Variants in GLIS3 observed in about 807,000 individuals in gnomAD.
GLIS3 encodes the protein zinc finger protein GLIS3.
A neutral mutation model predicts 78.6 loss-of-function variants in GLIS3; 53 were observed. That is an observed-to-expected ratio of 0.67 (90% confidence interval 0.54 to 0.85). The LOEUF is 0.85. Among genes scored for constraint, GLIS3 ranks in the 40% least tolerant of loss-of-function variants. GLIS3 has a pLI of 0.00. For synonymous variants in GLIS3, 684 were observed against 509.9 expected (o/e 1.34, Z -4.60); for missense variants, 1,703 against 1,231.1 (o/e 1.38, Z -5.74).
At chr9:4,021,114 C>T (rs1822848974) in intron 4 of GLIS3, among the ~76,000 whole-genome samples, 1 of 152,158 alleles carries the variant, frequency 6.6e-6, no homozygotes, top group Non-Finnish European at 1.5e-5. Context: ...CATTTTACTA[C>T]ATCATACAAA....
chr9:4,166,216 A>T (rs1835880751), intron 2 of GLIS3, among the ~76,000 whole-genome samples: 1 of 152,198 alleles, frequency 6.6e-6, no homozygotes, highest in South Asian at 2.1e-4. Flanking sequence ...TGTTAGCTAT[A>T]ATCAATACGT....
At chr9:4,010,644 A>G (rs1264322148) in intron 4 of GLIS3, among the ~76,000 whole-genome samples, 2 of 152,240 alleles carry the variant, frequency 1.3e-5, no homozygotes, top group East Asian at 3.8e-4. Flanking sequence ...CTTTGGTGTC[A>G]TAAGTGGCTG....
At chr9:4,137,524 G>A (rs970605421) in intron 2 of GLIS3, among the ~76,000 whole-genome samples, 8 of 152,146 alleles carry the variant, frequency 5.3e-5, no homozygotes, top group Non-Finnish European at 1.2e-4. Context: ...GTACCACTCA[G>A]TGCCCTGGAT....
At chr9:4,407,241 C>A in the GLIS3 span, among the ~76,000 whole-genome samples, 1 of 152,166 alleles carries the variant, frequency 6.6e-6, no homozygotes, top group East Asian at 1.9e-4. Flanking sequence ...GATATCCTTA[C>A]GCAGAAGAAT....
intron 6 of GLIS3, among the ~76,000 whole-genome samples, chr9:3,919,393 T>A (rs771410120): frequency 6.6e-6 from 1 of 152,190 alleles, no homozygotes; most frequent in Non-Finnish European, 1.5e-5. Flanking sequence ...TAAAATGAAA[T>A]GTGTTCTCAT....
At chr9:4,018,473 T>G (rs1461616197) in intron 4 of GLIS3, among the ~76,000 whole-genome samples, 3 of 152,178 alleles carry the variant, frequency 2.0e-5, no homozygotes, top group Non-Finnish European at 4.4e-5. Context: ...ACTTTTCAAG[T>G]CATTGTTTAT....
rs140333436 is a variant in GLIS3 at position 3,977,231 on chromosome 9, C to A, written c.1711-40042G>T. On this transcript the variant is annotated intron_variant, in intron 4 of 10. Transcript: ENST00000381971. The surrounding 1 kb of genome is among the most constrained non-coding windows in gnomAD (Gnocchi z 4.1). ...ATGACAAAAGACCTTGCTAGGCCAC[C>A]CCTCCTCCACCCAGATATTAGATCC... 2.8e-3 allele frequency among the ~76,000 whole-genome samples: 419 copies of A among 152,228 alleles called. 2 individuals carry two copies. The highest frequency in any genetic ancestry group is 9.9e-3 in the African/African-American group (411 of 41,540).
At chr9:4,444,488 T>C in the GLIS3 span, among the ~76,000 whole-genome samples, 1 of 152,232 alleles carries the variant, frequency 6.6e-6, no homozygotes, top group Admixed American at 6.5e-5. Context: ...GTCTGTCCTA[T>C]GCGAATCATT....
chr9:4,351,492 C>T (rs1480755080), upstream of GLIS3, among the ~76,000 whole-genome samples: 1 of 150,794 alleles, frequency 6.6e-6, no homozygotes, highest in African/African-American at 2.4e-5. Context: ...TTAGAATATA[C>T]ACTGAAAAAC....
chr9:4,424,237 C>T, the GLIS3 span, among the ~76,000 whole-genome samples: 1 of 152,156 alleles, frequency 6.6e-6, no homozygotes, highest in Non-Finnish European at 1.5e-5. Context: ...CCAGAGCTAG[C>T]TCTGCCCCTG....
At chr9:3,963,335 A>G (rs1262030911) in intron 4 of GLIS3, among the ~76,000 whole-genome samples, 1 of 152,204 alleles carries the variant, frequency 6.6e-6, no homozygotes, top group Non-Finnish European at 1.5e-5. Context: ...GGAGCTCTGA[A>G]CAAAACTGGC....
chr9:4,364,081 T>C, the GLIS3 span, among the ~76,000 whole-genome samples: 2 of 152,228 alleles, frequency 1.3e-5, no homozygotes, highest in South Asian at 2.1e-4. Flanking sequence ...ATACCATTTA[T>C]GCAAAATGTG....
chr9:4,467,821 C>T, the GLIS3 span, among the ~76,000 whole-genome samples: 3 of 152,146 alleles, frequency 2.0e-5, no homozygotes, highest in African/African-American at 4.8e-5. Context: ...TTCCGATGAT[C>T]GGTAATAACA....
chr9:4,385,665 CAAAAAAAAAA>C, the GLIS3 span, among the ~76,000 whole-genome samples: 2 of 75,318 alleles, frequency 2.7e-5, no homozygotes, highest in Non-Finnish European at 4.8e-5. Context: ...AACTCCATCT[CAAAAAAAAAA>C]AAAAAAAGAA....
chr9:4,323,870 T>C (rs974862392), intron 2 of GLIS3, among the ~76,000 whole-genome samples: 2 of 152,240 alleles, frequency 1.3e-5, no homozygotes, highest in South Asian at 2.1e-4. Flanking sequence ...TTATCTCTAC[T>C]ATTCAGTACA....
chr9:4,233,324 T>TA, intron 2 of GLIS3, among the ~76,000 whole-genome samples: 1 of 152,324 alleles, frequency 6.6e-6, no homozygotes, highest in Non-Finnish European at 1.5e-5. Flanking sequence ...AGGCTTGTAC[T>TA]TTATACCAGG....
chr9:4,411,267 TCCTTCA>T, the GLIS3 span, among the ~76,000 whole-genome samples: 3 of 152,186 alleles, frequency 2.0e-5, no homozygotes, highest in Non-Finnish European at 4.4e-5. Context: ...ATGACTTCTG[TCCTTCA>T]CTTGGTGCAA....
intron 2 of GLIS3, among the ~76,000 whole-genome samples, chr9:4,219,707 T>G: frequency 6.6e-6 from 1 of 152,192 alleles, no homozygotes; most frequent in East Asian, 1.9e-4. Flanking sequence ...AATACCTTTT[T>G]TTAAAAAACC....
the GLIS3 span, among the ~76,000 whole-genome samples, chr9:4,361,258 C>T: frequency 2.0e-5 from 3 of 152,144 alleles, no homozygotes; most frequent in African/African-American, 7.2e-5. Flanking sequence ...AAGGCAGTAC[C>T]AAAGACTGAC....
Sources: gnomAD v4.1 joint callset for allele counts (sites outside exome capture counted in the v4.1 genomes callset) on GRCh38, gnomAD v4.1.1 for gene constraint, Gnocchi (gnomAD v3.1) non-coding constraint, MANE v1.5 for transcripts, NCBI Gene and HGNC (gene_info 2026-07-23, HGNC 2026-07-21) for gene names.